DPF3: variants seen among roughly 807,000 people sequenced by gnomAD.
DPF3 encodes the protein double PHD fingers 3.
DPF3 carries 18 observed loss-of-function variants against 56.8 expected under a neutral mutation model. The observed-to-expected ratio is 0.32, with a 90% CI of 0.22 to 0.47. The LOEUF is 0.47. Among genes scored for constraint, DPF3 ranks in the 20% least tolerant of loss-of-function variants. The pLI, the probability that DPF3 is intolerant of heterozygous loss-of-function variation, is 1.00. For synonymous variants in DPF3, 188 were observed against 180.2 expected (o/e 1.04, Z -0.35); for missense variants, 403 against 488.8 (o/e 0.82, Z 1.65).
chr14:72,806,680 C>T (rs1882797977), intron 1 of DPF3: 1 of 152,168 alleles, frequency 6.6e-6, no homozygotes, highest in African/African-American at 2.4e-5. Context: ...GAAGTGCAAC[C>T]AAGTGCTCCT....
chr14:72,635,484 C>A (rs890774651), intron 8 of DPF3, among the ~76,000 whole-genome samples: 1 of 152,180 alleles, frequency 6.6e-6, no homozygotes, highest in Non-Finnish European at 1.5e-5. Flanking sequence ...AGATAAATAT[C>A]CAGGCAAAAC....
chr14:72,680,799 C>T (rs1401938241), intron 7 of DPF3, among the ~76,000 whole-genome samples: 1 of 152,240 alleles, frequency 6.6e-6, no homozygotes, highest in Non-Finnish European at 1.5e-5. Flanking sequence ...GGAGAGGCCT[C>T]TGCACACAGG....
In DPF3 at chr14:72,842,504, G is replaced by A. The variant is rs1217617685; in HGVS notation, c.32+51553C>T. Among the ~76,000 whole-genome samples the A allele has an allele frequency of 3.9e-5, 6 of 152,196 alleles. No individual in the cohort carries two copies. In the South Asian group the frequency reaches 8.3e-4, roughly 21 times the overall value. ...GTGAACGTGCTAGAAGATTCCGTTC[G>A]ATGGGGTTAGACTCAGAATAGTCAC... is the stretch of plus-strand genomic sequence containing the variant. On this transcript the variant is annotated intron_variant, in intron 1 of 10. Coordinates refer to ENST00000556509, the MANE Select transcript of DPF3 (RefSeq NM_001280542.3).
chr14:72,657,905 T>A (rs1886101781), intron 8 of DPF3, among the ~76,000 whole-genome samples: 1 of 152,112 alleles, frequency 6.6e-6, no homozygotes, highest in Non-Finnish European at 1.5e-5. Context: ...CCATTATAAA[T>A]GATAAGGCAA....
intron 3 of DPF3, among the ~76,000 whole-genome samples, chr14:72,737,407 C>T (rs181247276): frequency 6.6e-6 from 1 of 152,234 alleles, no homozygotes; most frequent in Admixed American, 6.5e-5. Flanking sequence ...AGCTCATTAA[C>T]AGGATGCAGG....
chr14:72,788,886 C>T (rs1272912838), intron 1 of DPF3, among the ~76,000 whole-genome samples: 1 of 152,202 alleles, frequency 6.6e-6, no homozygotes, highest in African/African-American at 2.4e-5. Flanking sequence ...TGTGAAGGGC[C>T]AAGCAATGCT....
In DPF3 at chr14:72,696,356, A is replaced by G. The variant is rs561646436; in HGVS notation, c.605-3143T>C. The stretch of plus-strand genomic sequence containing the variant: ...ATAACTCTAGAAGGCTGTTCTGGAC[A>G]ACTCCATTGATAGGGAACTCACTAC... On this transcript the variant is annotated intron_variant, in intron 6 of 10. Coordinates refer to ENST00000556509, the MANE Select transcript of DPF3 (RefSeq NM_001280542.3). Among the ~76,000 whole-genome samples, 20 of 152,326 alleles carry G rather than the reference A, an allele frequency of 1.3e-4. No homozygotes were observed. The South Asian group carries it at 4.2e-3, about 32-fold the overall frequency.
At chr14:72,639,996 G>A (rs1195547085) in intron 8 of DPF3, among the ~76,000 whole-genome samples, 1 of 138,420 alleles carries the variant, frequency 7.2e-6, no homozygotes, top group Non-Finnish European at 1.5e-5. Flanking sequence ...GCCACTGAGA[G>A]GAGGTAGCTT....
At chr14:72,770,659 T>C (rs901054731) in intron 2 of DPF3, among the ~76,000 whole-genome samples, 1 of 152,220 alleles carries the variant, frequency 6.6e-6, no homozygotes, top group Non-Finnish European at 1.5e-5. Context: ...CGATTGACCA[T>C]GAGTTGAACA....
intron 1 of DPF3, among the ~76,000 whole-genome samples, chr14:72,856,731 C>G (rs1409501256): frequency 6.6e-6 from 1 of 152,182 alleles, no homozygotes; most frequent in African/African-American, 2.4e-5. Context: ...CAACCCAAAT[C>G]CAGAAGTATG....
chr14:72,788,414 G>A (rs1040681270), intron 1 of DPF3, among the ~76,000 whole-genome samples: 1 of 152,138 alleles, frequency 6.6e-6, no homozygotes, highest in East Asian at 1.9e-4. Context: ...AGAAGGAAGG[G>A]GAAGAGGAGG....
chr14:72,841,748 G>A (rs1375891157), intron 1 of DPF3, among the ~76,000 whole-genome samples: 5 of 152,080 alleles, frequency 3.3e-5, no homozygotes, highest in Non-Finnish European at 5.9e-5. Context: ...GAGAAGACAC[G>A]GTAAAATCAA....
chr14:72,614,217 T>C lies in DPF3; in HGVS notation c.*5080A>G, dbSNP rs1883935085. Among the ~76,000 whole-genome samples the C allele has an allele frequency of 6.6e-6, 1 of 152,194 alleles. No individual in the cohort carries two copies. Among genetic ancestry groups the C allele is most frequent in the South Asian group, 2.1e-4 (1 of 4,828 alleles). On this transcript the variant is annotated 3_prime_UTR_variant, in exon 11 of 11. Transcript: ENST00000556509. ...GGGAGCCCCAACCCCCAGACAGCTA[T>C]GGAGCCCACCTTCTGACCACGGACC...
chr14:72,629,877 C>T lies in DPF3; in HGVS notation c.872-141G>A, dbSNP rs1358687370. On this transcript the variant is annotated intron_variant, in intron 8 of 10. Transcript: ENST00000556509. ...GTAGGGAAAAAAATGGGGACCCAAA[C>T]AGGGCCCTACCCACATTCTTCACCA... 3.4e-5 allele frequency: 23 copies of T among 679,066 alleles called. No individual in the cohort carries two copies. The South Asian group carries it at 3.6e-4, about 11-fold the overall frequency. The allele number at this position is 679,066 out of a possible 1,614,324, so 42.1% of individuals were successfully genotyped here.
intron 8 of DPF3, among the ~76,000 whole-genome samples, chr14:72,643,362 T>C (rs1885617941): frequency 6.6e-6 from 1 of 152,248 alleles, no homozygotes; most frequent in Non-Finnish European, 1.5e-5. Flanking sequence ...TCCATGCCTC[T>C]AGCGAAATCC....
At chr14:72,675,423 C>T (rs1451716540) in intron 7 of DPF3, 1 of 152,228 alleles carries the variant, frequency 6.6e-6, no homozygotes, top group Admixed American at 6.5e-5. Flanking sequence ...TCAGCCCTAA[C>T]CACCCAAGTA....
intron 3 of DPF3, among the ~76,000 whole-genome samples, chr14:72,751,737 T>C (rs1890582730): frequency 6.6e-6 from 1 of 152,232 alleles, no homozygotes; most frequent in Non-Finnish European, 1.5e-5. Context: ...AATATATTAT[T>C]GAAATTCATT....
At chr14:72,775,656 G>A (rs1891716601) in intron 1 of DPF3, among the ~76,000 whole-genome samples, 1 of 152,170 alleles carries the variant, frequency 6.6e-6, no homozygotes, top group Non-Finnish European at 1.5e-5. Flanking sequence ...TCTGTGGACT[G>A]GAACAACTGT....
At chr14:72,888,758 T>C (rs1886644295) in intron 1 of DPF3, among the ~76,000 whole-genome samples, 3 of 152,230 alleles carry the variant, frequency 2.0e-5, no homozygotes, top group African/African-American at 7.2e-5. Context: ...TTGTGGGATT[T>C]TTTTGGCCAG....
Sources: gnomAD v4.1 joint callset for allele counts (sites outside exome capture counted in the v4.1 genomes callset) on GRCh38, gnomAD v4.1.1 for gene constraint, MANE v1.5 for transcripts, NCBI Gene and HGNC (gene_info 2026-07-23, HGNC 2026-07-21) for gene names.